LEKR1: variants seen among roughly 807,000 people sequenced by gnomAD.
LEKR1 encodes the protein protein LEKR1.
A neutral mutation model predicts 72.4 loss-of-function variants in LEKR1; 59 were observed. The ratio of observed to expected loss-of-function variants is 0.82; its 90% CI spans 0.66 to 1.01. The LOEUF is 1.01. Among genes scored for constraint, LEKR1 ranks in the 50% least tolerant of loss-of-function variants. The pLI is 0.00. For missense variants in LEKR1, 728 were observed against 759.2 expected, an observed-to-expected ratio of 0.96 and a Z score of 0.48; for synonymous variants, 257 against 263.2, an observed-to-expected ratio of 0.98 and a Z score of 0.23.
chr3:156,945,632 G>A (rs990640211), intron 6 of LEKR1, among the ~76,000 whole-genome samples: 8 of 151,720 alleles, frequency 5.3e-5, no homozygotes, highest in Non-Finnish European at 1.5e-5. Flanking sequence ...CTTGTATATG[G>A]TGAGAGATAG....
intron 12 of LEKR1, among the ~76,000 whole-genome samples, chr3:157,041,363 C>A (rs188969585): frequency 6.6e-6 from 1 of 152,288 alleles, no homozygotes; most frequent in Non-Finnish European, 1.5e-5. Flanking sequence ...ACAAAGCTGG[C>A]AAAGGGATCT....
chr3:156,871,445 G>T (rs1056674363), intron 3 of LEKR1, among the ~76,000 whole-genome samples: 7 of 152,172 alleles, frequency 4.6e-5, no homozygotes, highest in Non-Finnish European at 4.4e-5. Context: ...ATAGCAGCAT[G>T]ATTTATAGTC....
At chr3:156,920,458 A>T in intron 3 of LEKR1, 117 bp from the exon 4 acceptor site, 1 of 651,000 alleles carries the variant, frequency 1.5e-6, no homozygotes, top group Non-Finnish European at 2.5e-6. Context: ...TATAGCATAT[A>T]TAAGAGACAT....
intron 3 of LEKR1, among the ~76,000 whole-genome samples, chr3:156,911,682 T>C (rs1417415348): frequency 6.6e-6 from 1 of 152,056 alleles, no homozygotes; most frequent in Non-Finnish European, 1.5e-5. Context: ...TTTTTGTATA[T>C]GGTGAGAGGT....
intron 12 of LEKR1, among the ~76,000 whole-genome samples, chr3:157,031,346 A>T (rs1301721917): frequency 1.3e-5 from 2 of 152,132 alleles, no homozygotes; most frequent in Non-Finnish European, 1.5e-5. Flanking sequence ...GGAGAAAAGG[A>T]TCATCCCAAA....
At chr3:156,923,901 G>A (rs768746972) in intron 4 of LEKR1, among the ~76,000 whole-genome samples, 2 of 151,968 alleles carry the variant, frequency 1.3e-5, no homozygotes, top group Non-Finnish European at 2.9e-5. Flanking sequence ...CTAATTTTTT[G>A]TATTTTTAGT....
Position 156,875,445 on chromosome 3 carries a change from T to C in LEKR1, c.263+22463T>C, listed in dbSNP as rs138735411. 1.3e-4 allele frequency among the ~76,000 whole-genome samples: 20 copies of C among 152,300 alleles called. No individual in the cohort carries two copies. In the East Asian group the frequency reaches 2.5e-3, roughly 19 times the overall value. On this transcript the variant is annotated intron_variant, in intron 3 of 12. Coordinates refer to ENST00000356539, the MANE Select transcript of LEKR1 (RefSeq NM_001004316.3). ...TATTAGTCCTTTGTTGGATGCATAG[T>C]TTATGAATATTTTCTCCCATTCTGT... is the stretch of plus-strand genomic sequence containing the variant.
At chr3:156,829,180 A>G (rs1712038330) in intron 1 of LEKR1, 106 bp from the exon 2 acceptor site, 1 of 567,518 alleles carries the variant, frequency 1.8e-6, no homozygotes, top group Admixed American at 3.2e-5. Flanking sequence ...CTGTTGAAAC[A>G]GTTATCACCA....
intron 9 of LEKR1, among the ~76,000 whole-genome samples, chr3:157,000,921 G>A (rs1731962191): frequency 6.6e-6 from 1 of 152,144 alleles, no homozygotes; most frequent in South Asian, 2.1e-4. Flanking sequence ...AATAGTGAGT[G>A]AGTTCTCAAG....
At chr3:156,925,906 C>T (rs967055140) in intron 4 of LEKR1, among the ~76,000 whole-genome samples, 3 of 151,736 alleles carry the variant, frequency 2.0e-5, no homozygotes, top group Non-Finnish European at 2.9e-5. Flanking sequence ...TTTAATGAAA[C>T]AAGCAAGAAA....
chr3:156,937,783 A>C (rs1246001996), intron 5 of LEKR1, among the ~76,000 whole-genome samples: 3 of 152,190 alleles, frequency 2.0e-5, no homozygotes, highest in Admixed American at 6.5e-5. Context: ...CCTTCAATGG[A>C]TGAAAGACAA....
intron 9 of LEKR1, among the ~76,000 whole-genome samples, chr3:156,999,696 C>T (rs1731864079): frequency 6.6e-6 from 1 of 152,138 alleles, no homozygotes; most frequent in South Asian, 2.1e-4. Context: ...CATAGGTCTT[C>T]CCTCAGACGG....
At chr3:156,957,327 T>TATATTAAATA (rs1193621524) in intron 6 of LEKR1, among the ~76,000 whole-genome samples, 8 of 152,060 alleles carry the variant, frequency 5.3e-5, no homozygotes, top group Non-Finnish European at 1.0e-4. Flanking sequence ...TAATTACAGT[T>TATATTAAATA]ACATCAGAAT....
intron 5 of LEKR1, among the ~76,000 whole-genome samples, chr3:156,937,345 T>C (rs1158582217): frequency 6.6e-6 from 1 of 152,170 alleles, no homozygotes; most frequent in Non-Finnish European, 1.5e-5. Flanking sequence ...AAATATCCAG[T>C]TAGAAAATAG....
chr3:156,837,348 C>G (rs923126537), intron 2 of LEKR1, among the ~76,000 whole-genome samples: 6 of 152,198 alleles, frequency 3.9e-5, no homozygotes, highest in African/African-American at 1.4e-4. Context: ...TGACTCATCT[C>G]AGACACCCGG....
At chr3:156,988,742 G>A in intron 7 of LEKR1, 2 of 193,784 alleles carry the variant, frequency 1.0e-5, no homozygotes, top group Non-Finnish European at 2.4e-5. Context: ...TATCTTTGAT[G>A]TATCTTTGAG....
intron 6 of LEKR1, among the ~76,000 whole-genome samples, chr3:156,954,309 A>C (rs930780556): frequency 1.3e-5 from 2 of 151,812 alleles, no homozygotes; most frequent in Admixed American, 6.6e-5. Context: ...TCCATTCTTT[A>C]GGTTGTCTGT....
At chr3:156,992,854 C>A in intron 8 of LEKR1, 124 bp downstream of exon 8, 1 of 343,530 alleles carries the variant, frequency 2.9e-6, no homozygotes, top group Non-Finnish European at 5.1e-6. Context: ...TATAAAATAC[C>A]TAATTCAAGC....
rs1443642976 is a variant in LEKR1, at chr3:157,011,462, A to G, written c.1159A>G (p.Thr387Ala). Reference protein sequence around the residue: ...HQKSIEQLQETLRQKLLSDDN... With the variant: ...HQKSIEQLQEALRQKLLSDDN... ...GAAAAGCATCGAGCAGCTGCAAGAA[A>G]CCCTTAGACAGAAGCTGCTGAGTGA... The change falls in exon 10 of 13, where the codon ACC (threonine) becomes GCC (alanine). Residue 387 changes from threonine to alanine, a missense_variant. Coordinates refer to ENST00000356539, the MANE Select transcript of LEKR1 (RefSeq NM_001004316.3). 1 of 1,613,232 alleles carries G rather than the reference A, an allele frequency of 6.2e-7. No individual in the cohort carries two copies. Among genetic ancestry groups the G allele is most frequent in the Admixed American group, 1.7e-5 (1 of 59,992 alleles).
Sources: gnomAD v4.1 joint callset for allele counts (sites outside exome capture counted in the v4.1 genomes callset) on GRCh38, gnomAD v4.1.1 for gene constraint, MANE v1.5 for transcripts, NCBI Gene and HGNC (gene_info 2026-07-23, HGNC 2026-07-21) for gene names.